SASH1: variants seen among roughly 807,000 people sequenced by gnomAD.
SASH1 encodes the protein SAM and SH3 domain-containing protein 1.
A neutral mutation model predicts 125.2 loss-of-function variants in SASH1; 44 were observed. That is an observed-to-expected ratio of 0.35 (90% confidence interval 0.28 to 0.45). The LOEUF (loss-of-function observed/expected upper bound fraction) is 0.45, where lower values mean the gene tolerates loss of function less well. Among genes scored for constraint, SASH1 ranks in the 20% least tolerant of loss-of-function variants. The pLI, the probability that SASH1 is intolerant of heterozygous loss-of-function variation, is 1.00. For missense variants in SASH1, 1,426 were observed against 1,614.5 expected (o/e 0.88, Z 2.00); for synonymous variants, 639 against 649.1 (o/e 0.98, Z 0.24).
At chr6:148,299,590 C>A (rs1779878953) in intron 1 of SASH1, among the ~76,000 whole-genome samples, 1 of 150,212 alleles carries the variant, frequency 6.7e-6, no homozygotes, top group Non-Finnish European at 1.5e-5. Context: ...TCTCTTGAAC[C>A]TGGGAGGTGG....
intron 2 of SASH1, among the ~76,000 whole-genome samples, chr6:148,416,809 A>G (rs926259405): frequency 1.3e-5 from 2 of 152,222 alleles, no homozygotes; most frequent in African/African-American, 4.8e-5. Flanking sequence ...TTTTTGCCAC[A>G]CAAGGCCAGT....
At chr6:148,223,997 A>T in the SASH1 span, among the ~76,000 whole-genome samples, 87 of 152,320 alleles carry the variant, frequency 5.7e-4, 1 homozygote, top group South Asian at 0.017. Context: ...AGAGAAAAAT[A>T]AAAAGTCTTA....
At chr6:148,226,589 T>C in the SASH1 span, among the ~76,000 whole-genome samples, 1 of 152,062 alleles carries the variant, frequency 6.6e-6, no homozygotes, top group Non-Finnish European at 1.5e-5. Context: ...ACCTCCGGGG[T>C]TGGACAATTC....
chr6:148,448,246 T>C (rs1191363073), intron 4 of SASH1, among the ~76,000 whole-genome samples: 1 of 152,148 alleles, frequency 6.6e-6, no homozygotes, highest in Admixed American at 6.5e-5. Flanking sequence ...TCCATAATGT[T>C]GAATAAATCG....
intron 8 of SASH1, among the ~76,000 whole-genome samples, chr6:148,503,025 T>C (rs1779626099): frequency 6.6e-6 from 1 of 152,234 alleles, no homozygotes; most frequent in Admixed American, 6.5e-5. Flanking sequence ...ATAACCTTTA[T>C]AAACCCAGGG....
chr6:148,394,304 C>A (rs1405231283), intron 2 of SASH1, among the ~76,000 whole-genome samples: 1 of 152,140 alleles, frequency 6.6e-6, no homozygotes, highest in East Asian at 1.9e-4. Flanking sequence ...ACTCACATGG[C>A]TCCAAAGTCT....
rs183362091 is a variant in SASH1, at chr6:148,451,728, A to T, written c.386+11321A>T. On this transcript the variant is annotated intron_variant, in intron 4 of 19. Coordinates refer to ENST00000367467, the MANE Select transcript of SASH1 (RefSeq NM_015278.5). Reference sequence around the variant, plus strand: ...ACTCATACGTAATATTGTGATTTAGAAAATCATGCTGTGGAATTATCAGTC... The same window carrying T: ...ACTCATACGTAATATTGTGATTTAGTAAATCATGCTGTGGAATTATCAGTC... 3.3e-4 allele frequency among the ~76,000 whole-genome samples: 51 copies of T among 152,316 alleles called. 1 individual carries two copies.
chr6:148,195,686 G>A, the SASH1 span, among the ~76,000 whole-genome samples: 97,864 of 152,044 alleles, frequency 0.64, 32,166 homozygotes, highest in African/African-American at 0.77. Context: ...AGCCCCAGAA[G>A]GTGCCTCGGG....
At chr6:148,212,514 T>C in the SASH1 span, among the ~76,000 whole-genome samples, 1 of 152,246 alleles carries the variant, frequency 6.6e-6, no homozygotes, top group Non-Finnish European at 1.5e-5. Flanking sequence ...CAGTCCTGAA[T>C]TGACGTAAGG....
intron 1 of SASH1, among the ~76,000 whole-genome samples, chr6:148,293,663 T>A (rs1779693253): frequency 6.6e-6 from 1 of 152,172 alleles, no homozygotes; most frequent in South Asian, 2.1e-4. Context: ...TGCCAGGATC[T>A]AAATTTTCTA....
intron 10 of SASH1, chr6:148,520,416 G>A (rs75610638): frequency 0.076 from 12,175 of 159,244 alleles, 535 homozygotes; most frequent in African/African-American, 0.1. Flanking sequence ...GGACGGCCTT[G>A]TCATTTCTGT....
In SASH1 at chr6:148,477,365, G is replaced by A. The variant is rs545886069; in HGVS notation, c.627+3143G>A. Among the ~76,000 whole-genome samples, 8 of 151,914 alleles carry A rather than the reference G, an allele frequency of 5.3e-5. No individual in the cohort carries two copies. The East Asian group carries it at 1.5e-3, about 29-fold the overall frequency. Reference sequence around the variant, plus strand: ...TATGTGGAACTCAAACAACTCAATAGGAAAAAAAATCCAATAATCTAATTT... The same window carrying A: ...TATGTGGAACTCAAACAACTCAATAAGAAAAAAAATCCAATAATCTAATTT... On this transcript the variant is annotated intron_variant, in intron 7 of 19. Transcript: ENST00000367467.
In SASH1 at chr6:148,460,319, G is replaced by C. The variant is rs564779642; in HGVS notation, c.387-8226G>C. Among the ~76,000 whole-genome samples the C allele has an allele frequency of 1.4e-4, 21 of 152,304 alleles. No homozygotes were observed. The South Asian group carries it at 4.2e-3, about 30-fold the overall frequency. ...CAGTTGTAAATCAAAGATATACAAA[G>C]AGGGTGGGGTAGAAAAATTAAACAT... On this transcript the variant is annotated intron_variant, in intron 4 of 19. Transcript: ENST00000367467.
intron 1 of SASH1, among the ~76,000 whole-genome samples, chr6:148,378,591 C>T (rs1416278679): frequency 6.6e-6 from 1 of 152,166 alleles, no homozygotes; most frequent in Non-Finnish European, 1.5e-5. Flanking sequence ...AACTCCTGGG[C>T]TCAAGTGATC....
intron 4 of SASH1, among the ~76,000 whole-genome samples, chr6:148,455,285 T>G (rs911100666): frequency 6.6e-6 from 1 of 152,248 alleles, no homozygotes; most frequent in Non-Finnish European, 1.5e-5. Flanking sequence ...AGCAGCCAGC[T>G]TGGCTTTATT....
At chr6:148,219,005 G>A in the SASH1 span, among the ~76,000 whole-genome samples, 1 of 152,222 alleles carries the variant, frequency 6.6e-6, no homozygotes, top group Non-Finnish European at 1.5e-5. Flanking sequence ...CTGAGGTAAG[G>A]ACTGGGCTTC....
rs1436661318 is a variant in SASH1 at position 148,529,009 on chromosome 6, G to A, written c.1428+1413G>A. Reference sequence around the variant, plus strand: ...AGCGTGCAACCTAGATGCCTCGTGTGCACAATTCACAATAGGATTCGTGCT... The same window carrying A: ...AGCGTGCAACCTAGATGCCTCGTGTACACAATTCACAATAGGATTCGTGCT... On this transcript the variant is annotated intron_variant, in intron 12 of 19. Transcript: ENST00000367467. The surrounding 1 kb of genome is among the most constrained non-coding windows in gnomAD (Gnocchi z 4.2). Among the ~76,000 whole-genome samples the A allele has an allele frequency of 6.6e-6, 1 of 151,994 alleles. No homozygotes were observed. Among genetic ancestry groups the A allele is most frequent in the Admixed American group, 6.6e-5 (1 of 15,234 alleles).
At position 148,544,541 on chromosome 6, in the gene SASH1, G is replaced by T; in HGVS notation, c.3071G>T (p.Gly1024Val). ...PDAPCLPVKR[G>V]SPASPTSPSD... ...GCGCCATGCCTGCCAGTGAAAAGGG[G>T]CAGCCCCGCCAGCCCCACCAGCCCT... The change falls in exon 18 of 20, where the codon GGC becomes GTC. Residue 1024 changes from glycine (G) to valine (V), a missense_variant. By Grantham distance (109) the Gly-to-Val change is moderately radical. Around this residue, in one of 3 missense-constraint regions of SASH1, gnomAD observed 634 missense variants for 694.4 expected, o/e 0.91. Coordinates refer to ENST00000367467, the MANE Select transcript of SASH1 (RefSeq NM_015278.5). The surrounding 1 kb of genome is among the most constrained non-coding windows in gnomAD (Gnocchi z 6.4). 6.2e-7 allele frequency: 1 copy of T among 1,612,988 alleles called. No homozygotes were observed. The highest frequency in any genetic ancestry group is 1.3e-5 in the African/African-American group (1 of 75,036).
At chr6:148,499,036 T>C (rs1344903422) in intron 8 of SASH1, among the ~76,000 whole-genome samples, 2 of 151,626 alleles carry the variant, frequency 1.3e-5, no homozygotes, top group Non-Finnish European at 2.9e-5. Context: ...AATTACCCAT[T>C]GTATCAAAAT....
Sources: allele counts gnomAD v4.1 joint callset (sites outside exome capture counted in the v4.1 genomes callset), GRCh38; gene constraint gnomAD v4.1.1; regional missense constraint gnomAD v4.1.1; non-coding constraint Gnocchi (gnomAD v3.1); transcripts MANE v1.5; gene names NCBI Gene and HGNC (gene_info 2026-07-23, HGNC 2026-07-21).